Variants in FMNL2 observed in about 807,000 individuals in gnomAD.
FMNL2 encodes the protein formin like 2.
FMNL2 carries 51 observed loss-of-function variants against 130.2 expected under a neutral mutation model. That is an observed-to-expected ratio of 0.39 (90% CI 0.31 to 0.49). The LOEUF (loss-of-function observed/expected upper bound fraction) is 0.49. Among genes scored for constraint, FMNL2 ranks in the 20% least tolerant of loss-of-function variants. The pLI is 0.85. For synonymous variants in FMNL2, 465 were observed against 467.1 expected, an observed-to-expected ratio of 1.00 and a Z score of 0.06; for missense variants, 977 against 1,316.2, an observed-to-expected ratio of 0.74 and a Z score of 3.99.
At position 152,611,621 on chromosome 2, in the gene FMNL2, AC is replaced by A; in HGVS notation, c.1062+18del. 6.7e-7 allele frequency: 1 copy of A among 1,494,780 alleles called. No individual in the cohort carries two copies. Among genetic ancestry groups the A allele is most frequent in the Non-Finnish European group, 9.2e-7 (1 of 1,082,436 alleles). The allele number at this position is 1,494,780 out of a possible 1,614,324, so 92.6% of individuals were successfully genotyped here. A position where few individuals can be genotyped will look rare whatever the true frequency, so the allele number is the denominator to read the frequency against. ...ATACTTGGACGTGAGTATAGCTGTGACCTTTGGCTCCAATATAAGAATTGAC... is the reference window on the plus strand; with the variant it reads ...ATACTTGGACGTGAGTATAGCTGTGACTTTGGCTCCAATATAAGAATTGAC... On this transcript the variant is annotated intron_variant, in intron 11 of 25. Transcript: ENST00000288670.
intron 3 of FMNL2, among the ~76,000 whole-genome samples, chr2:152,546,572 A>G (rs1004801626): frequency 6.6e-6 from 1 of 152,112 alleles, no homozygotes; most frequent in African/African-American, 2.4e-5. Flanking sequence ...GGAAGGGACA[A>G]ATATCCAAAG....
rs1044330359 is a variant in FMNL2 at position 152,628,463 on chromosome 2, G to A, written c.2330G>A (p.Arg777Lys). 1.2e-6 allele frequency: 2 copies of A among 1,614,006 alleles called. No individual in the cohort carries two copies. Among genetic ancestry groups the A allele is most frequent in the Non-Finnish European group, 8.5e-7 (1 of 1,179,900 alleles). Residue 777 changes from arginine (R) to lysine (K), a missense_variant, in exon 18 of 26, where the codon AGG (arginine) becomes AAG (lysine). Physicochemically the swap from Arg to Lys is conservative, Grantham distance 26. This residue lies in a region of FMNL2 where 689 missense variants were observed against 995.9 expected (regional missense o/e 0.69). Coordinates refer to ENST00000288670, the MANE Select transcript of FMNL2 (RefSeq NM_052905.4). ...ATGATGCAGTTTAGTAAAATCGAGA[G>A]GCTCATGCAGAAGATGACCATCATG... ...RFMMQFSKIE[R>K]LMQKMTIMAF...
intron 1 of FMNL2, among the ~76,000 whole-genome samples, chr2:152,342,254 A>G (rs1379035155): frequency 1.3e-5 from 2 of 152,196 alleles, no homozygotes; most frequent in African/African-American, 4.8e-5. Context: ...CAAGTAATAG[A>G]TGTCAAAAAA....
chr2:152,381,215 C>A (rs747295809), intron 1 of FMNL2, among the ~76,000 whole-genome samples: 27 of 152,078 alleles, frequency 1.8e-4, no homozygotes, highest in Non-Finnish European at 3.4e-4. Context: ...ACTGGTATTA[C>A]CTAAGGTTTT....
chr2:152,547,031 T>C (rs2678304), intron 3 of FMNL2, among the ~76,000 whole-genome samples: 41,333 of 150,808 alleles, frequency 0.27, 6,081 homozygotes, highest in African/African-American at 0.37. Context: ...CTGCAACCGC[T>C]GCCTCCCAGG....
intron 3 of FMNL2, among the ~76,000 whole-genome samples, chr2:152,545,865 C>G (rs1301889679): frequency 6.6e-6 from 1 of 152,188 alleles, no homozygotes; most frequent in African/African-American, 2.4e-5. Context: ...GGCCCAGAAT[C>G]TAGCCGAAAA....
At chr2:152,461,357 C>T (rs2105127112) in intron 1 of FMNL2, among the ~76,000 whole-genome samples, 1 of 119,696 alleles carries the variant, frequency 8.4e-6, no homozygotes, top group South Asian at 2.5e-4. Context: ...AGATATTTTA[C>T]TTTTTTTTAA....
chr2:152,361,977 C>G (rs1683207691), intron 1 of FMNL2, among the ~76,000 whole-genome samples: 1 of 152,092 alleles, frequency 6.6e-6, no homozygotes, highest in Admixed American at 6.6e-5. Flanking sequence ...AATATATTCT[C>G]ATTGTAGAAT....
intron 1 of FMNL2, among the ~76,000 whole-genome samples, chr2:152,389,572 A>C (rs550181219): frequency 6.6e-6 from 1 of 152,322 alleles, no homozygotes; most frequent in East Asian, 1.9e-4. Flanking sequence ...TTTTAGAAAT[A>C]AGGACTGATT....
At chr2:152,525,337 G>T (rs569401946) in intron 2 of FMNL2, among the ~76,000 whole-genome samples, 1 of 152,314 alleles carries the variant, frequency 6.6e-6, no homozygotes, top group South Asian at 2.1e-4. Context: ...GTTAGTCAAA[G>T]AATTCAGGAC....
intron 25 of FMNL2, among the ~76,000 whole-genome samples, chr2:152,642,812 A>AGCC (rs2105975317): frequency 6.6e-6 from 1 of 152,302 alleles, no homozygotes; most frequent in East Asian, 1.9e-4. Flanking sequence ...CTTCGAAACC[A>AGCC]GCCTGGCCAC....
chr2:152,390,690 C>A, intron 1 of FMNL2: 1 of 753,522 alleles, frequency 1.3e-6, no homozygotes, highest in South Asian at 1.4e-5. Flanking sequence ...ATCCAACCTT[C>A]TTTCCCACTC....
At chr2:152,631,689 G>A (rs983443659) in intron 20 of FMNL2, among the ~76,000 whole-genome samples, 2 of 152,174 alleles carry the variant, frequency 1.3e-5, no homozygotes, top group Admixed American at 6.5e-5. Flanking sequence ...AAACCTGTGG[G>A]TTTCCTGAAA....
intron 1 of FMNL2, among the ~76,000 whole-genome samples, chr2:152,365,932 C>A (rs1342374963): frequency 6.6e-6 from 1 of 152,128 alleles, no homozygotes; most frequent in Non-Finnish European, 1.5e-5. Context: ...GCATCAGGGA[C>A]TCCTGAGATT....
At chr2:152,459,529 G>A (rs768181359) in intron 1 of FMNL2, among the ~76,000 whole-genome samples, 56 of 152,120 alleles carry the variant, frequency 3.7e-4, no homozygotes, top group Non-Finnish European at 6.6e-4. Flanking sequence ...TAAGCAAAAT[G>A]TTTTTTGTTT....
intron 1 of FMNL2, among the ~76,000 whole-genome samples, chr2:152,505,539 C>CTTA (rs2105339899): frequency 6.6e-6 from 1 of 152,246 alleles, no homozygotes; most frequent in African/African-American, 2.4e-5. Context: ...CATTACTTGG[C>CTTA]TTATTATTAC....
In FMNL2 at chr2:152,335,704, G is replaced by T. The variant is rs757477723; in HGVS notation, c.101G>T (p.Arg34Leu). Residue 34 changes from arginine to leucine, a missense_variant, in exon 1 of 26, where the codon CGA becomes CTA. By Grantham distance (102) the Arg-to-Leu change is moderately radical. This residue lies in a region of FMNL2 where 117 missense variants were observed against 134.9 expected (regional missense o/e 0.87). Coordinates refer to ENST00000288670, the MANE Select transcript of FMNL2 (RefSeq NM_052905.4). ...PMPEPGELEE[R>L]FAIVLNAMNL... ...CCAGAGCCAGGTGAACTGGAGGAGC[G>T]ATTTGCCATCGTGCTGGTAAGTGCG... 1.3e-6 allele frequency: 2 copies of T among 1,583,584 alleles called. No homozygotes were observed. The highest frequency in any genetic ancestry group is 1.7e-6 in the Non-Finnish European group (2 of 1,165,494).
intron 1 of FMNL2, among the ~76,000 whole-genome samples, chr2:152,498,291 T>G (rs1049022655): frequency 6.6e-6 from 1 of 152,190 alleles, no homozygotes; most frequent in Non-Finnish European, 1.5e-5. Flanking sequence ...TGCAAAAATT[T>G]GAAAAAGTAT....
chr2:152,393,410 T>C (rs1289798887), intron 1 of FMNL2, among the ~76,000 whole-genome samples: 1 of 152,244 alleles, frequency 6.6e-6, no homozygotes, highest in African/African-American at 2.4e-5. Context: ...TATTTGAGAT[T>C]ATGTCCATAG....
Sources: gnomAD v4.1 joint callset for allele counts (sites outside exome capture counted in the v4.1 genomes callset) on GRCh38, gnomAD v4.1.1 for gene constraint, gnomAD v4.1.1 regional missense constraint, MANE v1.5 for transcripts, NCBI Gene and HGNC (gene_info 2026-07-23, HGNC 2026-07-21) for gene names.